SUGCT: variants seen among roughly 807,000 people sequenced by gnomAD.
The protein encoded by SUGCT is succinyl-CoA:glutarate CoA-transferase.
Under a neutral mutation model 55.0 loss-of-function variants are expected in SUGCT, and 41 were observed. The observed-to-expected ratio is 0.74, with a 90% CI of 0.58 to 0.97. SUGCT has a LOEUF of 0.97. Ranked by LOEUF, SUGCT falls within the 50% of genes least tolerant of loss-of-function variation. The probability of loss-of-function intolerance (pLI) is 0.00; values close to 1 mark genes in which losing one functional copy is unlikely to be tolerated. For missense variants in SUGCT, 568 were observed against 547.8 expected, an observed-to-expected ratio of 1.04 and a Z score of -0.37; for synonymous variants, 187 against 200.4, an observed-to-expected ratio of 0.93 and a Z score of 0.56.
chr7:40,135,097 T>C lies in SUGCT; in HGVS notation c.77T>C (p.Leu26Pro). ...TCCGGCCGGGGCGGCGGGAGGGGGC[T>C]GTGGACTGGCCGCCCGCAGTCAGGT... is the stretch of plus-strand genomic sequence containing the variant. ...LFSGRGGGRG[L>P]WTGRPQSDMN... Residue 26 changes from leucine (L) to proline (P), a missense_variant, in exon 1 of 14, where the codon CTG becomes CCG. By Grantham distance (98) the Leu-to-Pro change is moderately conservative. Transcript: ENST00000335693. 1 of 1,557,868 alleles carries C rather than the reference T, an allele frequency of 6.4e-7. No homozygotes were observed. Among genetic ancestry groups the C allele is most frequent in the East Asian group, 2.4e-5 (1 of 41,420 alleles).
chr7:40,510,343 A>G (rs964298001), intron 12 of SUGCT, among the ~76,000 whole-genome samples: 7 of 152,140 alleles, frequency 4.6e-5, no homozygotes, highest in African/African-American at 1.7e-4. Flanking sequence ...CTTTCCTTAA[A>G]TATCATTTTT....
intron 7 of SUGCT, among the ~76,000 whole-genome samples, chr7:40,243,071 G>T (rs1238023034): frequency 6.8e-6 from 1 of 147,200 alleles, no homozygotes; most frequent in Non-Finnish European, 1.5e-5. Flanking sequence ...GAGTAGCTGG[G>T]ACCAAAGGCA....
Position 40,235,635 on chromosome 7 carries a change from A to C in SUGCT, c.485-2000A>C, listed in dbSNP as rs187325951. Reference sequence around the variant, plus strand: ...AGCCACCGCATCCAGCCAAAAAATTATTTTTATATAAAATATTTTTGCACT... The same window carrying C: ...AGCCACCGCATCCAGCCAAAAAATTCTTTTTATATAAAATATTTTTGCACT... On this transcript the variant is annotated intron_variant, in intron 6 of 13. Transcript: ENST00000335693. Among the ~76,000 whole-genome samples, 133 of 152,250 alleles carry C rather than the reference A, an allele frequency of 8.7e-4. 1 individual carries two copies. Among genetic ancestry groups the C allele is most frequent in the Non-Finnish European group, 1.0e-3 (70 of 68,028 alleles).
At chr7:40,797,351 T>C (rs1469393196) in intron 13 of SUGCT, among the ~76,000 whole-genome samples, 3 of 152,190 alleles carry the variant, frequency 2.0e-5, no homozygotes, top group African/African-American at 7.2e-5. Flanking sequence ...ATGATCACTC[T>C]ATAAGTCATT....
At chr7:40,254,042 T>G (rs182628011) in intron 7 of SUGCT, among the ~76,000 whole-genome samples, 1 of 152,246 alleles carries the variant, frequency 6.6e-6, no homozygotes, top group Admixed American at 6.5e-5. Flanking sequence ...GAAGCTCATA[T>G]GATATTTCAT....
chr7:40,452,719 G>A (rs1789257745), intron 10 of SUGCT, among the ~76,000 whole-genome samples: 1 of 152,180 alleles, frequency 6.6e-6, no homozygotes, highest in Non-Finnish European at 1.5e-5. Context: ...TGTTAGAGAA[G>A]TGAAGCACTT....
At chr7:40,727,402 A>G (rs1329702966) in intron 12 of SUGCT, among the ~76,000 whole-genome samples, 1 of 152,214 alleles carries the variant, frequency 6.6e-6, no homozygotes, top group Non-Finnish European at 1.5e-5. Context: ...AGTGGAATCT[A>G]GCCCATTGGA....
intron 12 of SUGCT, among the ~76,000 whole-genome samples, chr7:40,701,889 A>G (rs1584299990): frequency 6.6e-6 from 1 of 152,212 alleles, no homozygotes; most frequent in East Asian, 1.9e-4. Context: ...GATATGCTCT[A>G]AAAACTTAGC....
intron 7 of SUGCT, among the ~76,000 whole-genome samples, chr7:40,245,607 T>C (rs1181572567): frequency 6.7e-6 from 1 of 148,550 alleles, no homozygotes; most frequent in African/African-American, 2.5e-5. Flanking sequence ...GCCCGGCTAA[T>C]TTTTTGTATT....
intron 1 of SUGCT, among the ~76,000 whole-genome samples, chr7:40,172,113 T>G (rs1784705632): frequency 6.6e-6 from 1 of 152,174 alleles, no homozygotes; most frequent in African/African-American, 2.4e-5. Flanking sequence ...TTTAATTTAC[T>G]CAATTCGCTT....
intron 11 of SUGCT, among the ~76,000 whole-genome samples, chr7:40,475,452 C>T (rs1193334910): frequency 6.6e-6 from 1 of 152,166 alleles, no homozygotes; most frequent in East Asian, 1.9e-4. Flanking sequence ...TCCAGGAATA[C>T]TTTGTCCATA....
the SUGCT span, among the ~76,000 whole-genome samples, chr7:41,014,066 G>T: frequency 1.3e-5 from 2 of 152,088 alleles, no homozygotes; most frequent in Admixed American, 1.3e-4. Context: ...CAGATAATAA[G>T]ATTCTTAAAA....
At chr7:40,238,164 A>G (rs910384700) in intron 7 of SUGCT, among the ~76,000 whole-genome samples, 4 of 152,192 alleles carry the variant, frequency 2.6e-5, no homozygotes, top group Non-Finnish European at 5.9e-5. Flanking sequence ...TGTACATAGC[A>G]GAGGGTCTAT....
intron 5 of SUGCT, among the ~76,000 whole-genome samples, chr7:40,193,280 G>GTTT (rs752659107): frequency 0.024 from 2,078 of 86,890 alleles, 201 homozygotes; most frequent in Middle Eastern, 0.049. Context: ...CAATTACTGT[G>GTTT]TTTTTTTTTT....
chr7:40,309,419 C>A (rs545750456), intron 8 of SUGCT, among the ~76,000 whole-genome samples: 1 of 152,102 alleles, frequency 6.6e-6, no homozygotes, highest in Non-Finnish European at 1.5e-5. Context: ...CTCAGCCTTC[C>A]GTGTAGCTGG....
chr7:40,473,871 A>G (rs1165144546), intron 11 of SUGCT, among the ~76,000 whole-genome samples: 2 of 152,170 alleles, frequency 1.3e-5, no homozygotes, highest in African/African-American at 4.8e-5. Context: ...GGTGGCTGAC[A>G]GGGTGGGTAA....
intron 12 of SUGCT, among the ~76,000 whole-genome samples, chr7:40,613,579 A>G (rs1257252027): frequency 6.7e-6 from 1 of 150,342 alleles, no homozygotes; most frequent in East Asian, 1.9e-4. Flanking sequence ...TGACACACAC[A>G]TTTGCTCTTC....
the SUGCT span, among the ~76,000 whole-genome samples, chr7:40,903,037 CTT>C: frequency 4.1e-5 from 6 of 144,856 alleles, no homozygotes; most frequent in Admixed American, 6.9e-5. Flanking sequence ...CTTTTCTTTT[CTT>C]TTTTTTTTTT....
At chr7:40,353,124 A>G (rs1797720639) in intron 9 of SUGCT, among the ~76,000 whole-genome samples, 1 of 152,050 alleles carries the variant, frequency 6.6e-6, no homozygotes, top group African/African-American at 2.4e-5. Flanking sequence ...GGTTGTTTTC[A>G]GATGTCTACT....
Sources: gnomAD v4.1 joint callset for allele counts (sites outside exome capture counted in the v4.1 genomes callset) on GRCh38, gnomAD v4.1.1 for gene constraint, MANE v1.5 for transcripts, NCBI Gene and HGNC (gene_info 2026-07-23, HGNC 2026-07-21) for gene names.